The following NAGK variants were observed in gnomAD, a reference collection of about 807,000 sequenced individuals.
The protein encoded by NAGK is N-acetylglucosamine kinase.
In NAGK, 35 loss-of-function variants were observed where a neutral mutation model predicts 42.9. That is an observed-to-expected ratio of 0.82 (90% CI 0.62 to 1.08). The LOEUF is 1.08. Ranked by LOEUF, NAGK falls within the 50% of genes least tolerant of loss-of-function variation. NAGK has a pLI of 0.00. For missense variants in NAGK, 446 were observed against 446.0 expected (o/e 1.00, Z 0.00); for synonymous variants, 172 against 176.0 (o/e 0.98, Z 0.18).
intron 6 of NAGK, among the ~76,000 whole-genome samples, chr2:71,073,981 G>A (rs1672122201): frequency 6.6e-6 from 1 of 152,186 alleles, no homozygotes; most frequent in Admixed American, 6.5e-5. Context: ...GCTGTGAGCT[G>A]CTTCTGGCCT....
At chr2:71,076,792 T>C in intron 8 of NAGK, 91 bp downstream of exon 8, 1 of 1,034,794 alleles carries the variant, frequency 9.7e-7, no homozygotes, top group Non-Finnish European at 1.5e-6. Flanking sequence ...AAACCCTGCA[T>C]AGATTGGATA....
chr2:71,078,493 C>G lies in NAGK; in HGVS notation c.1020C>G (p.Ser340=). 6.4e-7 allele frequency: 1 copy of G among 1,559,332 alleles called. No individual in the cohort carries two copies. The highest frequency in any genetic ancestry group is 2.4e-5 in the East Asian group (1 of 42,136). ...GCGCCAATGCCATTGCCTTCTATTC[C>G]TACACCTTTTCCTAGGGGGCTGGTC... ...DYSANAIAFY[S]YTFS Residue 340 remains serine (S), a synonymous_variant, in exon 10 of 10, where the codon TCC becomes TCG. Coordinates refer to ENST00000244204, the MANE Select transcript of NAGK (RefSeq NM_017567.6).
Position 71,072,745 on chromosome 2 carries a change from G to T in NAGK, c.460G>T (p.Gly154Cys), listed in dbSNP as rs564669580. The change falls in exon 5 of 10, where the codon GGT (glycine) becomes TGT (cysteine). Residue 154 changes from glycine (G) to cysteine (C), a missense_variant. By Grantham distance (159) the Gly-to-Cys change is radical. Transcript: ENST00000244204. ...CTGGGGCCATATGATGGGTGATGAG[G>T]GTTCAGGTGAGCTCACTGACTGGCC... Reference protein sequence around the residue: ...GGWGHMMGDEGSAYWIAHQAV... With the variant: ...GGWGHMMGDECSAYWIAHQAV... 24 of 1,613,384 alleles carry T rather than the reference G, an allele frequency of 1.5e-5. No homozygotes were observed. The highest frequency in any genetic ancestry group is 1.7e-5 in the Non-Finnish European group (20 of 1,179,660).
In NAGK at chr2:71,069,010, C is replaced by T. The variant is rs981644289; in HGVS notation, c.29+298C>T. The T allele has an allele frequency of 6.0e-6, 7 of 1,167,866 alleles. No homozygotes were observed. In the African/African-American group the frequency reaches 1.1e-4, roughly 19 times the overall value. The allele number at this position is 1,167,866 out of a possible 1,614,324, so 72.3% of individuals were successfully genotyped here. ...CCGCTGTCTTCAGCTGGAGAAGCAG[C>T]TCCTTTTTCCTATTCCTGACCTCGG... On this transcript the variant is annotated intron_variant, in intron 1 of 9. Coordinates refer to ENST00000244204, the MANE Select transcript of NAGK (RefSeq NM_017567.6).
intron 7 of NAGK, chr2:71,075,971 A>G (rs1238968157): frequency 1.4e-5 from 5 of 354,010 alleles, no homozygotes; most frequent in African/African-American, 8.2e-5. Context: ...ATTATACTCA[A>G]AGAACTAGGG....
At chr2:71,069,159 G>C in intron 1 of NAGK, 2 of 956,236 alleles carry the variant, frequency 2.1e-6, no homozygotes, top group Non-Finnish European at 2.5e-6. Flanking sequence ...GAGCAGCTGC[G>C]AGCCAGAGTA....
At chr2:71,077,982 G>T (rs1302013886) in intron 9 of NAGK, among the ~76,000 whole-genome samples, 1 of 152,254 alleles carries the variant, frequency 6.6e-6, no homozygotes, top group Non-Finnish European at 1.5e-5. Flanking sequence ...CTAGCTAGAA[G>T]AAAAGAGGCC....
intron 5 of NAGK, chr2:71,073,131 G>C: frequency 2.2e-6 from 1 of 461,204 alleles, no homozygotes; most frequent in Non-Finnish European, 4.0e-6. Context: ...TCTCTAGGTA[G>C]TGTGTGTTTA....
chr2:71,077,458 C>T (rs571101058), intron 8 of NAGK, 100 bp from the exon 9 acceptor site: 4 of 1,149,368 alleles, frequency 3.5e-6, no homozygotes, highest in African/African-American at 1.5e-5. Flanking sequence ...GGCTTGAGGG[C>T]GAGTAACTGG....
In NAGK at chr2:71,077,607, T is replaced by G. The variant is rs1375910522; in HGVS notation, c.815T>G (p.Val272Gly). 1 of 1,609,328 alleles carries G rather than the reference T, an allele frequency of 6.2e-7. No homozygotes were observed. Among genetic ancestry groups the G allele is most frequent in the Non-Finnish European group, 8.5e-7 (1 of 1,177,930 alleles). ...IGLPILCVGS[V>G]WKSWELLKEG... ...CTCCCCATCCTGTGCGTGGGCTCTG[T>G]GTGGAAGAGCTGGGAGCTGCTGAAG... The change falls in exon 9 of 10, where the codon GTG becomes GGG. Residue 272 changes from valine (V) to glycine (G), a missense_variant. Physicochemically the swap from Val to Gly is moderately radical, Grantham distance 109 (BLOSUM62 -3). Transcript: ENST00000244204.
At chr2:71,075,322 A>T in intron 6 of NAGK, 1 of 462,928 alleles carries the variant, frequency 2.2e-6, no homozygotes, top group Non-Finnish European at 3.9e-6. Context: ...TGGTTAACAC[A>T]AATCTGTTCT....
intron 9 of NAGK, 98 bp downstream of exon 9, chr2:71,077,734 T>TAGGA: frequency 7.4e-7 from 1 of 1,357,816 alleles, no homozygotes; most frequent in Non-Finnish European, 1.0e-6. Flanking sequence ...ACCTGCTTCC[T>TAGGA]GGACCCTGAG....
chr2:71,078,167 C>A, intron 9 of NAGK, 151 bp from the exon 10 acceptor site: 1 of 705,602 alleles, frequency 1.4e-6, no homozygotes, highest in Non-Finnish European at 2.4e-6. Flanking sequence ...GTACCCAGTG[C>A]ACCCTGTGTG....
rs781131099 is a variant in NAGK at position 71,077,642 on chromosome 2, C to T, written c.844+6C>T. ...CTGGGAGCTGCTGAAGGAAGGTGAG[C>T]CTGGGGGGAGGCTGGAAGGGCAAGG... is the stretch of plus-strand genomic sequence containing the variant. On this transcript the variant is annotated splice_donor_region_variant and intron_variant, in intron 9 of 9. Coordinates refer to ENST00000244204, the MANE Select transcript of NAGK (RefSeq NM_017567.6). The T allele has an allele frequency of 6.2e-7, 1 of 1,601,118 alleles. No individual in the cohort carries two copies.
At position 71,075,526 on chromosome 2, in the gene NAGK, T is replaced by A. The variant is rs775134323; in HGVS notation, c.580-29T>A. On this transcript the variant is annotated intron_variant, in intron 6 of 9. Coordinates refer to ENST00000244204, the MANE Select transcript of NAGK (RefSeq NM_017567.6). ...ATTGGGGATTTTCCTTTGCTTCTGA[T>A]GACTCTCTTGTGCCCTTTCTCCTCT... The A allele has an allele frequency of 1.3e-5, 20 of 1,563,280 alleles. No homozygotes were observed. The South Asian group carries it at 2.2e-4, about 17-fold the overall frequency.
upstream of NAGK, chr2:71,068,622 G>A (rs762680754): frequency 3.3e-6 from 5 of 1,524,092 alleles, no homozygotes; most frequent in South Asian, 4.9e-5. Context: ...CAGCTGGAGG[G>A]AAGGAGGTGT....
intron 8 of NAGK, 150 bp from the exon 9 acceptor site, chr2:71,077,408 C>CT (rs147845543): frequency 0.11 from 76,768 of 676,226 alleles, 3,890 homozygotes; most frequent in Non-Finnish European, 0.15. Flanking sequence ...ATTTTCCTCC[C>CT]TTTTTTTTTC....
upstream of NAGK, chr2:71,068,425 A>G: frequency 2.3e-6 from 3 of 1,303,754 alleles, no homozygotes; most frequent in Non-Finnish European, 3.0e-6. Context: ...TGGAAGCAGG[A>G]TCCAGGAGGA....
At chr2:71,074,345 G>T (rs1224551406) in intron 6 of NAGK, among the ~76,000 whole-genome samples, 1 of 152,114 alleles carries the variant, frequency 6.6e-6, no homozygotes, top group Non-Finnish European at 1.5e-5. Context: ...ATTAAAGAGG[G>T]GCCCGGCTAG....
Sources: allele counts gnomAD v4.1 joint callset (sites outside exome capture counted in the v4.1 genomes callset), GRCh38; gene constraint gnomAD v4.1.1; transcripts MANE v1.5; gene names NCBI Gene and HGNC (gene_info 2026-07-23, HGNC 2026-07-21).